The following ATP8A2 variants were observed in gnomAD, a reference collection of about 807,000 sequenced individuals.
ATP8A2 encodes the protein phospholipid-transporting ATPase IB.
ATP8A2 carries 100 observed loss-of-function variants against 165.6 expected under a neutral mutation model. The ratio of observed to expected loss-of-function variants is 0.60; its 90% CI spans 0.51 to 0.71. The LOEUF (loss-of-function observed/expected upper bound fraction) is 0.71. ATP8A2 is among the 30% of genes least tolerant of loss of function. The pLI is 0.00. For synonymous variants in ATP8A2, 543 were observed against 548.8 expected (o/e 0.99, Z 0.15); for missense variants, 1,227 against 1,479.5 (o/e 0.83, Z 2.80).
intron 33 of ATP8A2, among the ~76,000 whole-genome samples, chr13:25,958,950 A>C (rs1411899490): frequency 1.3e-5 from 2 of 152,100 alleles, no homozygotes; most frequent in East Asian, 3.9e-4. Flanking sequence ...GGTACATTTG[A>C]GTTACAATCT....
intron 24 of ATP8A2, among the ~76,000 whole-genome samples, chr13:25,608,836 C>T (rs1172998249): frequency 1.3e-5 from 2 of 152,162 alleles, no homozygotes; most frequent in African/African-American, 4.8e-5. Context: ...TCATGCAGCT[C>T]ATGTTCTGTG....
intron 25 of ATP8A2, among the ~76,000 whole-genome samples, chr13:25,725,574 G>C (rs2043475440): frequency 6.6e-6 from 1 of 152,212 alleles, no homozygotes. Flanking sequence ...ACTGCATGCT[G>C]TGGGTATAAA....
chr13:25,894,797 T>A (rs1245229797), intron 33 of ATP8A2, among the ~76,000 whole-genome samples: 1 of 152,206 alleles, frequency 6.6e-6, no homozygotes, highest in African/African-American at 2.4e-5. Flanking sequence ...TTCGAAGCAA[T>A]TGTGAATGGG....
Position 25,952,483 on chromosome 13 carries a change from C to T in ATP8A2, c.3184-9092C>T, listed in dbSNP as rs561588272. On this transcript the variant is annotated intron_variant, in intron 33 of 36. Coordinates refer to ENST00000381655, the MANE Select transcript of ATP8A2 (RefSeq NM_016529.6). ...TCAACCTTGAACTCTTGAGCCCAAG[C>T]GATCCCCCCACCTTAGCCTCCCAAA... 7.8e-4 allele frequency among the ~76,000 whole-genome samples: 119 copies of T among 152,016 alleles called. 1 individual carries two copies. The highest frequency in any genetic ancestry group is 1.4e-3 in the Non-Finnish European group (96 of 67,984).
intron 33 of ATP8A2, among the ~76,000 whole-genome samples, chr13:25,868,966 G>A (rs898401393): frequency 4.0e-5 from 6 of 151,320 alleles, no homozygotes; most frequent in African/African-American, 1.5e-4. Flanking sequence ...CTACTCGGAA[G>A]GCTGAGGCAG....
At chr13:25,781,484 A>T (rs1023247241) in intron 27 of ATP8A2, among the ~76,000 whole-genome samples, 20 of 151,806 alleles carry the variant, frequency 1.3e-4, no homozygotes, top group African/African-American at 4.1e-4. Flanking sequence ...ATTATTTTTC[A>T]AACTTTTTTT....
At chr13:25,900,336 C>A (rs1406695457) in intron 33 of ATP8A2, among the ~76,000 whole-genome samples, 1 of 152,216 alleles carries the variant, frequency 6.6e-6, no homozygotes, top group East Asian at 1.9e-4. Flanking sequence ...AGCCCTCTGA[C>A]ATGAAAAGGT....
chr13:25,905,474 A>G (rs1299053241), intron 33 of ATP8A2, among the ~76,000 whole-genome samples: 3 of 151,244 alleles, frequency 2.0e-5, no homozygotes, highest in African/African-American at 4.9e-5. Flanking sequence ...GGTTTCTCCT[A>G]GCATTAAATA....
At chr13:25,408,061 C>T (rs944016253) in intron 1 of ATP8A2, among the ~76,000 whole-genome samples, 4 of 117,850 alleles carry the variant, frequency 3.4e-5, no homozygotes, top group African/African-American at 1.2e-4. Context: ...CACATGTATC[C>T]TGGAACTTAA....
intron 1 of ATP8A2, among the ~76,000 whole-genome samples, chr13:25,375,770 A>T (rs1324939561): frequency 6.6e-6 from 1 of 151,814 alleles, no homozygotes; most frequent in Non-Finnish European, 1.5e-5. Flanking sequence ...ACGGGGTTTC[A>T]CCATGTTGGC....
chr13:25,565,319 T>A (rs2039280294), intron 16 of ATP8A2, among the ~76,000 whole-genome samples: 2 of 152,224 alleles, frequency 1.3e-5, no homozygotes, highest in Admixed American at 6.5e-5. Flanking sequence ...TTTTCCATAG[T>A]GGCTGTTCTA....
chr13:25,395,868 G>T (rs141235738), intron 1 of ATP8A2, among the ~76,000 whole-genome samples: 1 of 150,988 alleles, frequency 6.6e-6, no homozygotes, highest in Admixed American at 6.6e-5. Context: ...TTTTTTTGAC[G>T]GAGTCTCACT....
intron 33 of ATP8A2, among the ~76,000 whole-genome samples, chr13:25,877,273 A>T (rs1005177815): frequency 9.2e-5 from 14 of 152,200 alleles, no homozygotes; most frequent in Non-Finnish European, 1.9e-4. Context: ...TTTATTCTTC[A>T]GTATCACTAT....
At chr13:25,654,177 G>A (rs1320537039) in intron 24 of ATP8A2, among the ~76,000 whole-genome samples, 2 of 151,914 alleles carry the variant, frequency 1.3e-5, no homozygotes, top group Non-Finnish European at 2.9e-5. Flanking sequence ...TTCTAAGGAC[G>A]GTAGCAGAGT....
chr13:25,650,524 G>A (rs1297735556), intron 24 of ATP8A2, among the ~76,000 whole-genome samples: 3 of 151,874 alleles, frequency 2.0e-5, no homozygotes, highest in African/African-American at 4.8e-5. Flanking sequence ...TCTTTTTCTC[G>A]ACCTATCTAG....
At chr13:25,684,945 TAAA>T (rs2042569824) in intron 24 of ATP8A2, among the ~76,000 whole-genome samples, 1 of 152,224 alleles carries the variant, frequency 6.6e-6, no homozygotes, top group African/African-American at 2.4e-5. Context: ...AGAAATAATT[TAAA>T]CCTTGAAAGT....
At chr13:26,005,183 T>TGTAA (rs1259266994) in intron 35 of ATP8A2, among the ~76,000 whole-genome samples, 1 of 152,026 alleles carries the variant, frequency 6.6e-6, no homozygotes, top group East Asian at 1.9e-4. Flanking sequence ...TGTGATAGGT[T>TGTAA]GTAAGTGTCT....
intron 24 of ATP8A2, among the ~76,000 whole-genome samples, chr13:25,622,383 G>C (rs1342485500): frequency 1.3e-5 from 2 of 152,092 alleles, no homozygotes; most frequent in African/African-American, 2.4e-5. Flanking sequence ...ATGAGGAGCA[G>C]AAGGAAGGAG....
chr13:25,465,694 TC>T (rs901671110), intron 1 of ATP8A2, among the ~76,000 whole-genome samples: 3 of 18,904 alleles, frequency 1.6e-4, no homozygotes, highest in African/African-American at 4.2e-4. Context: ...TTTCTTTCTT[TC>T]TTTCTTTCTT....
Sources: gnomAD v4.1 joint callset for allele counts (sites outside exome capture counted in the v4.1 genomes callset) on GRCh38, gnomAD v4.1.1 for gene constraint, MANE v1.5 for transcripts, NCBI Gene and HGNC (gene_info 2026-07-23, HGNC 2026-07-21) for gene names.